PATJ: variants seen among roughly 807,000 people sequenced by gnomAD.
PATJ encodes the protein PATJ crumbs cell polarity complex component.
In PATJ, 190 loss-of-function variants were observed where a neutral mutation model predicts 224.9. The observed-to-expected ratio is 0.84, with a 90% CI of 0.75 to 0.95. The LOEUF is 0.95. PATJ is among the 40% of genes least tolerant of loss of function. The pLI, the probability that PATJ is intolerant of heterozygous loss-of-function variation, is 0.00. For missense variants in PATJ, 2,121 were observed against 2,270.3 expected, an observed-to-expected ratio of 0.93 and a Z score of 1.34; for synonymous variants, 769 against 820.3, an observed-to-expected ratio of 0.94 and a Z score of 1.07.
rs1275614860 is a variant in PATJ, at chr1:61,762,833, T to A, written c.-35-25T>A. 3 of 1,049,660 alleles carry A rather than the reference T, an allele frequency of 2.9e-6. 1 individual carries two copies. The highest frequency in any genetic ancestry group is 4.2e-6 in the Non-Finnish European group (3 of 710,458). 65.0% of individuals were successfully genotyped at this position (1,049,660 alleles called of 1,614,324 possible). ...GCCATATACAATTGAAATTCATCTT[T>A]TATATTGTTAAATTTTTTCTTTAGG... On this transcript the variant is annotated intron_variant, in intron 1 of 43. Coordinates refer to ENST00000642238, the MANE Select transcript of PATJ (RefSeq NM_001350145.3).
intron 14 of PATJ, among the ~76,000 whole-genome samples, chr1:61,813,372 T>TAG (rs1655327778): frequency 2.2e-5 from 1 of 44,538 alleles, no homozygotes; most frequent in Non-Finnish European, 4.6e-5. Context: ...TATATATATA[T>TAG]ATATATACAC....
rs549114209 is a variant in PATJ at position 61,973,988 on chromosome 1, C to CT, written c.3671-16169dup. The stretch of plus-strand genomic sequence containing the variant: ...GTGTGCATAAGAATTTCATAAAGAT[C>CT]TTTTTTTTTTTCTTTTTTAAATGGT... On this transcript the variant is annotated intron_variant, in intron 27 of 43. Transcript: ENST00000642238. Among the ~76,000 whole-genome samples, 79 of 146,526 alleles carry CT rather than the reference C, an allele frequency of 5.4e-4. 1 individual carries two copies. Among genetic ancestry groups the CT allele is most frequent in the Non-Finnish European group, 7.7e-4 (51 of 66,234 alleles).
At chr1:62,057,958 C>A (rs1299624349) in intron 31 of PATJ, among the ~76,000 whole-genome samples, 1 of 152,206 alleles carries the variant, frequency 6.6e-6, no homozygotes, top group Non-Finnish European at 1.5e-5. Context: ...CTTGTCATTA[C>A]AGACCTGGTT....
In PATJ at chr1:61,801,771, T is replaced by A; in HGVS notation, c.1549+2T>A. 7 of 1,570,086 alleles carry A rather than the reference T, an allele frequency of 4.5e-6. No homozygotes were observed. The highest frequency in any genetic ancestry group is 3.5e-6 in the Non-Finnish European group (4 of 1,156,482). Reference sequence around the variant, plus strand: ...ACATACAAGCCTTAGAAAAATTGGGTAGGCACAAAGCATTCACTTTGCGAT... The same window carrying A: ...ACATACAAGCCTTAGAAAAATTGGGAAGGCACAAAGCATTCACTTTGCGAT... On this transcript the variant is annotated splice_donor_variant, in intron 12 of 43. Coordinates refer to ENST00000642238, the MANE Select transcript of PATJ (RefSeq NM_001350145.3). LOFTEE classifies it high-confidence loss of function.
At chr1:61,971,632 A>T (rs917602906) in intron 27 of PATJ, among the ~76,000 whole-genome samples, 8 of 151,994 alleles carry the variant, frequency 5.3e-5, no homozygotes, top group Non-Finnish European at 1.2e-4. Flanking sequence ...AAGAAAAAAG[A>T]AAAAACAGCA....
intron 17 of PATJ, among the ~76,000 whole-genome samples, chr1:61,845,233 T>C (rs1208928057): frequency 1.3e-5 from 2 of 152,218 alleles, no homozygotes; most frequent in Non-Finnish European, 2.9e-5. Context: ...GTAATCATCC[T>C]TGTTTTATGG....
intron 31 of PATJ, among the ~76,000 whole-genome samples, chr1:62,064,977 T>C (rs1187419064): frequency 1.3e-5 from 2 of 152,234 alleles, no homozygotes; most frequent in Non-Finnish European, 2.9e-5. Context: ...GCCTTCTCTT[T>C]TGTGACAGTA....
rs113038102 is a variant in PATJ at position 61,989,251 on chromosome 1, C to T, written c.3671-917C>T. ...TATAGAACACCTATAAACTATGAGC[C>T]GCTAAGCCCTTCAACATGTATGTTG... is the stretch of plus-strand genomic sequence containing the variant. On this transcript the variant is annotated intron_variant, in intron 27 of 43. Coordinates refer to ENST00000642238, the MANE Select transcript of PATJ (RefSeq NM_001350145.3). Among the ~76,000 whole-genome samples, 385 of 152,228 alleles carry T rather than the reference C, an allele frequency of 2.5e-3. 3 individuals are homozygous for T. Among genetic ancestry groups the T allele is most frequent in the African/African-American group, 8.8e-3 (366 of 41,542 alleles).
chr1:61,785,690 GA>G (rs1368529030), intron 7 of PATJ, among the ~76,000 whole-genome samples: 1 of 152,004 alleles, frequency 6.6e-6, no homozygotes, highest in Non-Finnish European at 1.5e-5. Flanking sequence ...ACAAATTTAG[GA>G]AAAATTTTGT....
intron 28 of PATJ, among the ~76,000 whole-genome samples, chr1:61,992,881 T>G (rs766629464): frequency 2.6e-5 from 4 of 152,232 alleles, no homozygotes; most frequent in Non-Finnish European, 5.9e-5. Flanking sequence ...CTCAGCATAA[T>G]GTATGTAAGA....
At chr1:61,770,302 T>C (rs1646525796) in intron 5 of PATJ, among the ~76,000 whole-genome samples, 1 of 152,124 alleles carries the variant, frequency 6.6e-6, no homozygotes, top group African/African-American at 2.4e-5. Context: ...GTTTGGGAGA[T>C]AATAAAATCA....
intron 1 of PATJ, 150 bp from the exon 2 acceptor site, chr1:61,762,708 G>C (rs1040037379): frequency 1.1e-5 from 5 of 445,960 alleles, no homozygotes; most frequent in Non-Finnish European, 2.0e-5. Flanking sequence ...TAGTGGGTGT[G>C]TAGTGGCACC....
At position 61,861,592 on chromosome 1, in the gene PATJ, C is replaced by T; in HGVS notation, c.2364C>T (p.Ser788=). Residue 788 remains serine (S), a synonymous_variant, in exon 19 of 44, where the codon AGC becomes AGT. Transcript: ENST00000642238. ...AAAGTTGTTATATTTTACATTCAAG[C>T]AGTAATGAAGACAAGACTGAATTTT... ...EEESCYILHS[S]SNEDKTEFSG... 6.8e-7 allele frequency: 1 copy of T among 1,480,086 alleles called. No homozygotes were observed. The highest frequency in any genetic ancestry group is 9.1e-7 in the Non-Finnish European group (1 of 1,099,584). The allele number at this position is 1,480,086 out of a possible 1,614,324, so 91.7% of individuals were successfully genotyped here.
intron 37 of PATJ, among the ~76,000 whole-genome samples, chr1:62,117,967 T>A (rs1269073455): frequency 6.6e-6 from 1 of 152,154 alleles, no homozygotes; most frequent in African/African-American, 2.4e-5. Context: ...CCTGGTTGCC[T>A]TATTTCTGAA....
Position 61,898,990 on chromosome 1 carries a change from G to T in PATJ, c.3132-593G>T, listed in dbSNP as rs1382282191. ...TAGAGACAGGGTTTCACCATGTTCA[G>T]TTCAGTAGTACTATACTAACTTAAC... On this transcript the variant is annotated intron_variant, in intron 22 of 43. Transcript: ENST00000642238. Among the ~76,000 whole-genome samples, 4 of 152,092 alleles carry T rather than the reference G, an allele frequency of 2.6e-5. No homozygotes were observed. In the East Asian group the frequency reaches 7.8e-4, roughly 29 times the overall value.
At chr1:62,067,126 T>C (rs1158675925) in intron 31 of PATJ, among the ~76,000 whole-genome samples, 25 of 116,274 alleles carry the variant, frequency 2.2e-4, no homozygotes, top group African/African-American at 1.3e-3. Flanking sequence ...ATTCTTTCTT[T>C]TTTTTTTTTT....
intron 14 of PATJ, among the ~76,000 whole-genome samples, chr1:61,817,681 A>G (rs968918767): frequency 6.6e-6 from 1 of 152,168 alleles, no homozygotes; most frequent in Non-Finnish European, 1.5e-5. Context: ...AAAATAAAAT[A>G]AAATTTTGGA....
intron 14 of PATJ, among the ~76,000 whole-genome samples, chr1:61,818,367 A>G (rs182120789): frequency 6.6e-6 from 1 of 152,230 alleles, no homozygotes; most frequent in Non-Finnish European, 1.5e-5. Context: ...AAAGCATGAC[A>G]TGCGGTGTGT....
intron 29 of PATJ, among the ~76,000 whole-genome samples, chr1:62,023,775 A>G (rs931200841): frequency 6.6e-6 from 1 of 152,218 alleles, no homozygotes; most frequent in Non-Finnish European, 1.5e-5. Context: ...TTGAGTAAGT[A>G]TAACTGTGTA....
Sources: gnomAD v4.1 joint callset for allele counts (sites outside exome capture counted in the v4.1 genomes callset) on GRCh38, gnomAD v4.1.1 for gene constraint, MANE v1.5 for transcripts, NCBI Gene and HGNC (gene_info 2026-07-23, HGNC 2026-07-21) for gene names.